Variants in TAF1A observed in about 807,000 individuals in gnomAD.
TAF1A encodes the protein TATA-box binding protein associated factor, RNA polymerase I subunit A, also known as TATA box-binding protein-associated factor RNA polymerase I subunit A.
Under a neutral mutation model 61.6 loss-of-function variants are expected in TAF1A, and 42 were observed. The ratio of observed to expected loss-of-function variants is 0.68; its 90% CI spans 0.53 to 0.88. TAF1A has a LOEUF of 0.88. TAF1A is among the 40% of genes least tolerant of loss of function. TAF1A has a pLI of 0.00. For missense variants in TAF1A, 424 were observed against 518.7 expected (o/e 0.82, Z 1.77); for synonymous variants, 179 against 177.7 (o/e 1.01, Z -0.06).
intron 7 of TAF1A, among the ~76,000 whole-genome samples, chr1:222,565,198 C>T (rs544439916): frequency 6.6e-6 from 1 of 152,324 alleles, no homozygotes; most frequent in African/African-American, 2.4e-5. Flanking sequence ...TGCTTTTGCC[C>T]TGTTCTATTC....
chr1:222,565,546 G>T (rs1315991198), intron 7 of TAF1A, among the ~76,000 whole-genome samples: 1 of 152,170 alleles, frequency 6.6e-6, no homozygotes, highest in Non-Finnish European at 1.5e-5. Context: ...TTGATAACCT[G>T]AAAGCACAGT....
intron 5 of TAF1A, among the ~76,000 whole-genome samples, chr1:222,576,681 C>T (rs546003556): frequency 6.6e-6 from 1 of 152,282 alleles, no homozygotes; most frequent in Admixed American, 6.5e-5. Context: ...ATAACCTTTA[C>T]ACAAAAATGA....
At chr1:222,582,908 C>T (rs925480730) in intron 3 of TAF1A, among the ~76,000 whole-genome samples, 1 of 152,136 alleles carries the variant, frequency 6.6e-6, no homozygotes, top group African/African-American at 2.4e-5. Context: ...TTAGGCTGGC[C>T]ATAGTGGCTC....
At chr1:222,584,654 T>C (rs557154897) in intron 2 of TAF1A, among the ~76,000 whole-genome samples, 1 of 152,262 alleles carries the variant, frequency 6.6e-6, no homozygotes, top group Admixed American at 6.5e-5. Flanking sequence ...GTCAGGGTCA[T>C]TCTAGGCAAA....
At chr1:222,570,443 G>T in intron 6 of TAF1A, 92 bp downstream of exon 6, 1 of 1,282,770 alleles carries the variant, frequency 7.8e-7, no homozygotes, top group Non-Finnish European at 1.0e-6. Flanking sequence ...TTTTCCATTA[G>T]TTTCTTTCTG....
At chr1:222,578,742 TG>T (rs1481818095) in intron 4 of TAF1A, among the ~76,000 whole-genome samples, 1 of 152,224 alleles carries the variant, frequency 6.6e-6, no homozygotes, top group African/African-American at 2.4e-5. Context: ...ATTTCTACTA[TG>T]GTACCCATAA....
chr1:222,566,543 C>G (rs1235859956), intron 7 of TAF1A, among the ~76,000 whole-genome samples: 2 of 152,276 alleles, frequency 1.3e-5, no homozygotes, highest in East Asian at 3.9e-4. Flanking sequence ...TGATGGGAGA[C>G]AGTTACAGAT....
At chr1:222,588,806 C>G (rs933090291) in intron 1 of TAF1A, among the ~76,000 whole-genome samples, 1 of 152,172 alleles carries the variant, frequency 6.6e-6, no homozygotes, top group Non-Finnish European at 1.5e-5. Context: ...AAATAAGATA[C>G]TGCCCCTCTA....
At chr1:222,557,054 G>A (rs766832766), downstream of TAF1A, among the ~76,000 whole-genome samples, 14 of 151,954 alleles carry the variant, frequency 9.2e-5, no homozygotes, top group Non-Finnish European at 1.8e-4. Context: ...AAGTAATATT[G>A]AAATATAAAC....
At chr1:222,574,957 G>A (rs1248386221) in intron 5 of TAF1A, among the ~76,000 whole-genome samples, 6 of 152,124 alleles carry the variant, frequency 3.9e-5, no homozygotes, top group African/African-American at 1.4e-4. Flanking sequence ...CTTAATCTGG[G>A]TGGTGGTTAT....
chr1:222,573,666 T>C (rs930205470), intron 5 of TAF1A, among the ~76,000 whole-genome samples: 1 of 152,200 alleles, frequency 6.6e-6, no homozygotes, highest in African/African-American at 2.4e-5. Context: ...TGTAAAATAG[T>C]GCAATTGCTT....
chr1:222,571,781 T>C (rs1363275092), intron 5 of TAF1A, among the ~76,000 whole-genome samples: 6 of 152,218 alleles, frequency 3.9e-5, no homozygotes, highest in Non-Finnish European at 8.8e-5. Context: ...TATTGTCAAA[T>C]TGATCTACAG....
intron 3 of TAF1A, 41 bp downstream of exon 3, chr1:222,584,087 G>A: frequency 6.3e-7 from 1 of 1,591,382 alleles, no homozygotes; most frequent in Non-Finnish European, 8.5e-7. Flanking sequence ...TAAACTTCTG[G>A]GAATCTATCA....
intron 5 of TAF1A, among the ~76,000 whole-genome samples, chr1:222,576,627 G>A (rs1660581777): frequency 6.6e-6 from 1 of 152,128 alleles, no homozygotes; most frequent in South Asian, 2.1e-4. Context: ...AGAACTGAAT[G>A]GTCAACTTCT....
At chr1:222,570,324 C>T (rs1365918148) in intron 6 of TAF1A, among the ~76,000 whole-genome samples, 1 of 152,094 alleles carries the variant, frequency 6.6e-6, no homozygotes, top group Non-Finnish European at 1.5e-5. Context: ...TACAACTATA[C>T]TGCTATTTAT....
At chr1:222,581,184 C>T (rs974353660) in intron 3 of TAF1A, among the ~76,000 whole-genome samples, 1 of 152,094 alleles carries the variant, frequency 6.6e-6, no homozygotes, top group African/African-American at 2.4e-5. Flanking sequence ...AATGAAAGCC[C>T]TAGGTGATCC....
chr1:222,561,820 A>G (rs924235396), intron 9 of TAF1A, among the ~76,000 whole-genome samples: 2 of 152,184 alleles, frequency 1.3e-5, no homozygotes, highest in African/African-American at 4.8e-5. Context: ...TCTACTATGT[A>G]TGTGATCCTG....
intron 2 of TAF1A, 25 bp downstream of exon 2, chr1:222,588,418 G>A (rs1661110496): frequency 6.2e-7 from 1 of 1,606,406 alleles, no homozygotes; most frequent in African/African-American, 1.3e-5. Context: ...AAGTTAAAAT[G>A]GCTCAATGTT....
chr1:222,558,412 A>C lies in TAF1A; in HGVS notation c.*248T>G, dbSNP rs1659785068. 5.1e-6 allele frequency: 1 copy of C among 196,054 alleles called. No individual in the cohort carries two copies. The highest frequency in any genetic ancestry group is 2.3e-5 in the African/African-American group (1 of 43,270). 12.1% of individuals were successfully genotyped at this position (196,054 alleles called of 1,614,324 possible). On this transcript the variant is annotated 3_prime_UTR_variant, in exon 11 of 11. Coordinates refer to ENST00000352967, the MANE Select transcript of TAF1A (RefSeq NM_005681.4). ...AGCTATATTCTGTAATTAGTTTGTC[A>C]TTTGAAGAATTATTCCTTAACAAAT... is the stretch of plus-strand genomic sequence containing the variant.
Sources: allele counts gnomAD v4.1 joint callset (sites outside exome capture counted in the v4.1 genomes callset), GRCh38; gene constraint gnomAD v4.1.1; transcripts MANE v1.5; gene names NCBI Gene and HGNC (gene_info 2026-07-23, HGNC 2026-07-21).